PDLIM5: variants seen among roughly 807,000 people sequenced by gnomAD.
PDLIM5 encodes PDZ and LIM domain 5, also known as PDZ and LIM domain protein 5.
A neutral mutation model predicts 64.2 loss-of-function variants in PDLIM5; 34 were observed. The observed-to-expected ratio is 0.53, with a 90% confidence interval of 0.40 to 0.71. PDLIM5 has a LOEUF of 0.71. Ranked by LOEUF, PDLIM5 falls within the 30% of genes least tolerant of loss-of-function variation. The probability of loss-of-function intolerance (pLI) is 0.00; values close to 1 mark genes in which losing one functional copy is unlikely to be tolerated. For synonymous variants in PDLIM5, 253 were observed against 269.1 expected, an observed-to-expected ratio of 0.94 and a Z score of 0.59; for missense variants, 683 against 733.6, an observed-to-expected ratio of 0.93 and a Z score of 0.80.
At chr4:94,534,736 C>G (rs1306069196) in intron 3 of PDLIM5, among the ~76,000 whole-genome samples, 1 of 152,146 alleles carries the variant, frequency 6.6e-6, no homozygotes, top group Admixed American at 6.5e-5. Context: ...AGTATGGAAT[C>G]CATTGTAAAG....
rs564082388 is a variant in PDLIM5 at position 94,580,845 on chromosome 4, A to G, written c.711-4720A>G. On this transcript the variant is annotated intron_variant, in intron 5 of 12. Coordinates refer to ENST00000317968, the MANE Select transcript of PDLIM5 (RefSeq NM_006457.5). ...CTGCTTGTGACTTGGGCTTATTTCT[A>G]TGGCTTTGAATTAATATTTATTCTT... Among the ~76,000 whole-genome samples, 4 of 152,104 alleles carry G rather than the reference A, an allele frequency of 2.6e-5. No individual in the cohort carries two copies. The South Asian group carries it at 8.3e-4, about 32-fold the overall frequency.
At chr4:94,486,377 A>C (rs768656981) in intron 2 of PDLIM5, among the ~76,000 whole-genome samples, 18 of 152,156 alleles carry the variant, frequency 1.2e-4, no homozygotes, top group Non-Finnish European at 2.5e-4. Flanking sequence ...ACATTGAAAT[A>C]TTAGACTGTA....
At position 94,667,793 on chromosome 4, in the gene PDLIM5, G is replaced by A. The variant is rs1411998863; in HGVS notation, c.*3726G>A. The A allele has an allele frequency of 6.6e-6, 1 of 151,996 alleles. No homozygotes were observed. The highest frequency in any genetic ancestry group is 6.6e-5 in the Admixed American group (1 of 15,258). 9.4% of individuals were successfully genotyped at this position (151,996 alleles called of 1,614,324 possible). A position where few individuals can be genotyped will look rare whatever the true frequency, so the allele number is the denominator to read the frequency against. ...GTTTAAAATAATCTACAACAAAAAT[G>A]TACCATTTTCAAGCAGTACTACATT... On this transcript the variant is annotated 3_prime_UTR_variant, in exon 13 of 13. Coordinates refer to ENST00000317968, the MANE Select transcript of PDLIM5 (RefSeq NM_006457.5).
At chr4:94,525,049 C>T (rs934453850) in intron 3 of PDLIM5, among the ~76,000 whole-genome samples, 5 of 152,054 alleles carry the variant, frequency 3.3e-5, no homozygotes, top group African/African-American at 9.7e-5. Flanking sequence ...TTTCTCCCTC[C>T]CCAATCTCTT....
intron 8 of PDLIM5, among the ~76,000 whole-genome samples, chr4:94,622,799 T>C (rs1424946499): frequency 2.0e-5 from 3 of 152,010 alleles, no homozygotes; most frequent in African/African-American, 7.2e-5. Flanking sequence ...GCCTCCTGAG[T>C]AGCTGGGACT....
At chr4:94,508,393 C>T (rs1005011793) in intron 2 of PDLIM5, among the ~76,000 whole-genome samples, 6 of 152,072 alleles carry the variant, frequency 3.9e-5, no homozygotes, top group African/African-American at 1.5e-4. Flanking sequence ...GAAGTTCTAA[C>T]CTAAACAAAG....
At chr4:94,466,198 C>T (rs2126086171) in intron 2 of PDLIM5, among the ~76,000 whole-genome samples, 2 of 152,172 alleles carry the variant, frequency 1.3e-5, no homozygotes, top group Middle Eastern at 3.4e-3. Context: ...TAACTCCTGA[C>T]CTCATGTGAT....
intron 3 of PDLIM5, among the ~76,000 whole-genome samples, chr4:94,553,726 C>T (rs892905483): frequency 2.0e-5 from 3 of 152,110 alleles, no homozygotes; most frequent in African/African-American, 7.2e-5. Flanking sequence ...CAGCTCATCC[C>T]TCCTTGCCAG....
chr4:94,555,730 T>C (rs1733239305), intron 3 of PDLIM5, among the ~76,000 whole-genome samples: 1 of 151,936 alleles, frequency 6.6e-6, no homozygotes, highest in African/African-American at 2.4e-5. Context: ...TTCTATGTTA[T>C]TTTACTAACT....
chr4:94,534,646 CAT>C (rs1731163525), intron 3 of PDLIM5, among the ~76,000 whole-genome samples: 1 of 152,186 alleles, frequency 6.6e-6, no homozygotes, highest in African/African-American at 2.4e-5. Flanking sequence ...AATGAAATAG[CAT>C]ATGTAAAGAG....
intron 3 of PDLIM5, among the ~76,000 whole-genome samples, chr4:94,565,729 C>T (rs531038876): frequency 7.2e-5 from 11 of 152,158 alleles, no homozygotes; most frequent in Non-Finnish European, 1.5e-4. Context: ...AAATACTCCT[C>T]TTTTCTGGAA....
At chr4:94,598,635 T>C (rs529964748) in intron 7 of PDLIM5, among the ~76,000 whole-genome samples, 17 of 152,226 alleles carry the variant, frequency 1.1e-4, no homozygotes, top group African/African-American at 3.8e-4. Flanking sequence ...GAGGCACTTA[T>C]TTGTGCTGGT....
intron 3 of PDLIM5, among the ~76,000 whole-genome samples, chr4:94,566,539 A>G (rs979512056): frequency 3.3e-5 from 5 of 152,186 alleles, no homozygotes; most frequent in Non-Finnish European, 7.3e-5. Flanking sequence ...TCCACCAGAT[A>G]TGTTACATAC....
intron 3 of PDLIM5, among the ~76,000 whole-genome samples, chr4:94,538,906 G>A (rs1265336264): frequency 6.6e-6 from 1 of 152,124 alleles, no homozygotes; most frequent in Non-Finnish European, 1.5e-5. Context: ...TGACAGATTG[G>A]GATGAATGAT....
intron 9 of PDLIM5, among the ~76,000 whole-genome samples, chr4:94,649,067 C>T (rs1291068082): frequency 6.6e-6 from 1 of 152,076 alleles, no homozygotes; most frequent in African/African-American, 2.4e-5. Flanking sequence ...CCTCCGCCTC[C>T]TGGGTTCAAG....
In PDLIM5 at chr4:94,539,553, C is replaced by T. The variant is rs891754789; in HGVS notation, c.248+15678C>T. Among the ~76,000 whole-genome samples, 5 of 152,160 alleles carry T rather than the reference C, an allele frequency of 3.3e-5. No individual in the cohort carries two copies. In the South Asian group the frequency reaches 8.3e-4, roughly 25 times the overall value. ...AGGTAGATAAAAGAAATGCATCTCT[C>T]AGTTCAAGAAGCTCTTAATGGAAAG... On this transcript the variant is annotated intron_variant, in intron 3 of 12. Transcript: ENST00000317968.
At chr4:94,463,172 G>A (rs1724049715) in intron 2 of PDLIM5, among the ~76,000 whole-genome samples, 1 of 152,100 alleles carries the variant, frequency 6.6e-6, no homozygotes, top group South Asian at 2.1e-4. Context: ...GGAAAATTAA[G>A]CAAATCACAT....
chr4:94,452,774 A>G (rs922470045), intron 1 of PDLIM5, among the ~76,000 whole-genome samples: 7 of 152,164 alleles, frequency 4.6e-5, no homozygotes, highest in African/African-American at 1.4e-4. Flanking sequence ...TCCTATCCCA[A>G]GTCCGCCTTC....
intron 2 of PDLIM5, among the ~76,000 whole-genome samples, chr4:94,481,533 C>T (rs1283954316): frequency 2.0e-5 from 3 of 150,982 alleles, no homozygotes; most frequent in Admixed American, 6.6e-5. Flanking sequence ...CTGCCTGCCT[C>T]GCCTCCGAAA....
Sources: gnomAD v4.1 joint callset for allele counts (sites outside exome capture counted in the v4.1 genomes callset) on GRCh38, gnomAD v4.1.1 for gene constraint, MANE v1.5 for transcripts, NCBI Gene and HGNC (gene_info 2026-07-23, HGNC 2026-07-21) for gene names.